Variants in RHOJ observed in about 807,000 individuals in gnomAD.
RHOJ encodes the protein rho-related GTP-binding protein RhoJ.
Under a neutral mutation model 23.4 loss-of-function variants are expected in RHOJ, and 11 were observed. The observed-to-expected ratio is 0.47, with a 90% CI of 0.30 to 0.78. The LOEUF is 0.78. Among genes scored for constraint, RHOJ ranks in the 30% least tolerant of loss-of-function variants. The pLI is 0.08. For missense variants in RHOJ, 254 were observed against 273.4 expected, an observed-to-expected ratio of 0.93 and a Z score of 0.50; for synonymous variants, 102 against 102.7, an observed-to-expected ratio of 0.99 and a Z score of 0.04.
intron 2 of RHOJ, among the ~76,000 whole-genome samples, chr14:63,278,547 T>C (rs575428612): frequency 9.4e-5 from 14 of 149,624 alleles, no homozygotes; most frequent in African/African-American, 3.6e-4. Flanking sequence ...ATCTAATAAA[T>C]ATATTATTAG....
intron 1 of RHOJ, among the ~76,000 whole-genome samples, chr14:63,260,123 C>A (rs983999449): frequency 1.1e-4 from 17 of 152,198 alleles, no homozygotes; most frequent in Admixed American, 5.2e-4. Flanking sequence ...ATATTTAGAA[C>A]CTAATTTACT....
At chr14:63,233,763 C>A (rs1256787420) in intron 1 of RHOJ, among the ~76,000 whole-genome samples, 13 of 152,122 alleles carry the variant, frequency 8.5e-5, no homozygotes, top group Non-Finnish European at 5.9e-5. Flanking sequence ...AGCCCTTTAA[C>A]CAGCCTGGCT....
chr14:63,225,918 A>G (rs1894586348), intron 1 of RHOJ, among the ~76,000 whole-genome samples: 2 of 152,344 alleles, frequency 1.3e-5, no homozygotes, highest in East Asian at 3.9e-4. Context: ...TAAGGGCTTC[A>G]GGAAGAATAA....
chr14:63,217,075 TTC>T (rs1894373722), intron 1 of RHOJ, among the ~76,000 whole-genome samples: 1 of 39,560 alleles, frequency 2.5e-5, no homozygotes. Context: ...CGCTTTTTTT[TTC>T]TTTTTTTCTT....
intron 1 of RHOJ, among the ~76,000 whole-genome samples, chr14:63,262,337 C>A (rs1331846465): frequency 6.6e-6 from 1 of 152,114 alleles, no homozygotes; most frequent in African/African-American, 2.4e-5. Context: ...GACAGCAAGA[C>A]CAGGACTTAG....
At chr14:63,230,880 G>A (rs1013618803) in intron 1 of RHOJ, among the ~76,000 whole-genome samples, 1 of 128,332 alleles carries the variant, frequency 7.8e-6, no homozygotes, top group Non-Finnish European at 1.5e-5. Context: ...TCACTCTGTC[G>A]CCCAGGCTGG....
intron 1 of RHOJ, among the ~76,000 whole-genome samples, chr14:63,253,401 A>ATT (rs200795109): frequency 0.054 from 7,959 of 146,242 alleles, 277 homozygotes; most frequent in East Asian, 0.2. Context: ...CAAGTAGCTA[A>ATT]TTTTTTTTTT....
intron 1 of RHOJ, among the ~76,000 whole-genome samples, chr14:63,257,208 A>G (rs1412168389): frequency 7.0e-6 from 1 of 142,016 alleles, no homozygotes; most frequent in Non-Finnish European, 1.5e-5. Context: ...ACTGTACTCC[A>G]GCCTGGGTGA....
chr14:63,272,721 T>G (rs1594774403), intron 2 of RHOJ, among the ~76,000 whole-genome samples: 1 of 152,134 alleles, frequency 6.6e-6, no homozygotes. Context: ...CAGGCAAGCA[T>G]GTGCTAAAGA....
intron 1 of RHOJ, among the ~76,000 whole-genome samples, chr14:63,233,361 G>T (rs1311406932): frequency 6.6e-6 from 1 of 152,140 alleles, no homozygotes; most frequent in Non-Finnish European, 1.5e-5. Context: ...GTATTATGGT[G>T]GTGGTTGCAC....
intron 1 of RHOJ, among the ~76,000 whole-genome samples, chr14:63,258,220 C>G (rs966785136): frequency 7.3e-6 from 1 of 136,386 alleles, no homozygotes; most frequent in African/African-American, 2.9e-5. Flanking sequence ...AAGAGTGAAA[C>G]TCTGTCCCAA....
chr14:63,263,442 T>C (rs539074185), intron 1 of RHOJ, among the ~76,000 whole-genome samples: 1 of 152,318 alleles, frequency 6.6e-6, no homozygotes, highest in Admixed American at 6.5e-5. Flanking sequence ...TGATTGACAT[T>C]TGATCTATCT....
At chr14:63,279,377 C>A (rs74538075) in intron 2 of RHOJ, among the ~76,000 whole-genome samples, 1 of 152,078 alleles carries the variant, frequency 6.6e-6, no homozygotes, top group Non-Finnish European at 1.5e-5. Flanking sequence ...TGTCATGTTG[C>A]GATATGTGAT....
intron 2 of RHOJ, among the ~76,000 whole-genome samples, chr14:63,272,523 T>G (rs1895489696): frequency 6.6e-6 from 1 of 152,240 alleles, no homozygotes; most frequent in Non-Finnish European, 1.5e-5. Context: ...CATCTTTGTC[T>G]TGAACTAACT....
chr14:63,254,476 A>C (rs1895127783), intron 1 of RHOJ, among the ~76,000 whole-genome samples: 2 of 151,832 alleles, frequency 1.3e-5, no homozygotes, highest in African/African-American at 2.4e-5. Context: ...TCATTCAGCA[A>C]ACCTCGTTGA....
In RHOJ at chr14:63,269,161, CG is replaced by C. The variant is rs753871994; in HGVS notation, c.233del (p.Gly78AspfsTer8). 6.2e-7 allele frequency: 1 copy of C among 1,610,884 alleles called. No homozygotes were observed. Among genetic ancestry groups the C allele is most frequent in the Non-Finnish European group, 8.5e-7 (1 of 1,177,290 alleles). Reference protein sequence around the residue: ...KQHLLGLYDTAGQEDYNQLRP... With the variant: ...KQHLLGLYDTXGQEDYNQLRP... Reference sequence around the variant, plus strand: ...CACTTGCTCGGACTGTATGACACCGCGGGACAGGTACATTTTTATTATCTTG... The same window carrying C: ...CACTTGCTCGGACTGTATGACACCGCGGACAGGTACATTTTTATTATCTTG... On this transcript the variant is annotated frameshift_variant, in exon 2 of 5. Coordinates refer to ENST00000316754, the MANE Select transcript of RHOJ (RefSeq NM_020663.5). LOFTEE classifies it high-confidence loss of function.
chr14:63,222,903 A>G (rs1403185619), intron 1 of RHOJ, among the ~76,000 whole-genome samples: 1 of 152,136 alleles, frequency 6.6e-6, no homozygotes, highest in Non-Finnish European at 1.5e-5. Context: ...CCTTGCCCAT[A>G]AGAATGCAAC....
chr14:63,280,002 G>T (rs1881847844), intron 2 of RHOJ, among the ~76,000 whole-genome samples: 1 of 151,954 alleles, frequency 6.6e-6, no homozygotes, highest in Non-Finnish European at 1.5e-5. Flanking sequence ...ACTTTAAATG[G>T]GTGAACTTTT....
At chr14:63,254,488 T>G (rs1165735621) in intron 1 of RHOJ, among the ~76,000 whole-genome samples, 1 of 152,166 alleles carries the variant, frequency 6.6e-6, no homozygotes, top group Non-Finnish European at 1.5e-5. Flanking sequence ...CCTCGTTGAT[T>G]GAATACTCAT....
Sources: gnomAD v4.1 joint callset for allele counts (sites outside exome capture counted in the v4.1 genomes callset) on GRCh38, gnomAD v4.1.1 for gene constraint, MANE v1.5 for transcripts, NCBI Gene and HGNC (gene_info 2026-07-23, HGNC 2026-07-21) for gene names.